GALNT18: variants seen among roughly 807,000 people sequenced by gnomAD.
GALNT18 encodes the protein GalNAc-transferase 18.
A neutral mutation model predicts 69.5 loss-of-function variants in GALNT18; 44 were observed. That is an observed-to-expected ratio of 0.63 (90% CI 0.50 to 0.81). The LOEUF is 0.81. Among genes scored for constraint, GALNT18 ranks in the 40% least tolerant of loss-of-function variants. The pLI, the probability that GALNT18 is intolerant of heterozygous loss-of-function variation, is 0.00. For synonymous variants in GALNT18, 364 were observed against 318.2 expected (o/e 1.14, Z -1.53); for missense variants, 715 against 810.0 (o/e 0.88, Z 1.42).
At chr11:11,407,801 G>T (rs1854624314) in intron 3 of GALNT18, among the ~76,000 whole-genome samples, 1 of 152,210 alleles carries the variant, frequency 6.6e-6, no homozygotes, top group Admixed American at 6.5e-5. Context: ...CAGATCCCCT[G>T]GGATTACGAG....
At chr11:11,502,802 C>A (rs147922069) in intron 1 of GALNT18, among the ~76,000 whole-genome samples, 2 of 152,178 alleles carry the variant, frequency 1.3e-5, no homozygotes, top group Non-Finnish European at 2.9e-5. Flanking sequence ...AGAGGCGTAG[C>A]GTATCCTCAG....
chr11:11,532,521 C>A (rs1857678077), intron 1 of GALNT18, among the ~76,000 whole-genome samples: 2 of 152,204 alleles, frequency 1.3e-5, no homozygotes, highest in African/African-American at 4.8e-5. Flanking sequence ...GGCACTCAAT[C>A]AATGCTCATA....
At chr11:11,593,867 A>T (rs1590125963) in intron 1 of GALNT18, among the ~76,000 whole-genome samples, 3 of 152,336 alleles carry the variant, frequency 2.0e-5, no homozygotes, top group East Asian at 3.9e-4. Flanking sequence ...TTTTCATATG[A>T]GCCTCATGCT....
chr11:11,317,830 A>C (rs1849783201), intron 9 of GALNT18, among the ~76,000 whole-genome samples: 1 of 152,238 alleles, frequency 6.6e-6, no homozygotes, highest in Non-Finnish European at 1.5e-5. Flanking sequence ...ATAAAAGACA[A>C]TCTATCATAT....
intron 3 of GALNT18, among the ~76,000 whole-genome samples, chr11:11,420,364 A>G (rs1854976341): frequency 6.6e-6 from 1 of 152,156 alleles, no homozygotes. Context: ...TATGCAGGAC[A>G]GATATGGGCA....
chr11:11,483,982 T>A (rs939799700), intron 1 of GALNT18, among the ~76,000 whole-genome samples: 1 of 152,096 alleles, frequency 6.6e-6, no homozygotes, highest in African/African-American at 2.4e-5. Context: ...TCGTGGGACA[T>A]GGGGGTCCAA....
intron 1 of GALNT18, among the ~76,000 whole-genome samples, chr11:11,519,188 G>A (rs1260093783): frequency 6.6e-6 from 1 of 152,176 alleles, no homozygotes; most frequent in East Asian, 1.9e-4. Flanking sequence ...GCCCAGAGGG[G>A]TGTGGATCTG....
At chr11:11,380,021 G>A (rs1324721662) in intron 3 of GALNT18, among the ~76,000 whole-genome samples, 1 of 152,240 alleles carries the variant, frequency 6.6e-6, no homozygotes, top group Non-Finnish European at 1.5e-5. Context: ...AGCCCTCACA[G>A]TTGGTTGGAC....
chr11:11,500,620 G>A lies in GALNT18; in HGVS notation c.236-51684C>T, dbSNP rs1044509777. ...ACAGGACACCTCCCATGACAAAGAA[G>A]GATCCAGTGCAAAATGGTGACAGTG... On this transcript the variant is annotated intron_variant, in intron 1 of 10. Coordinates refer to ENST00000227756, the MANE Select transcript of GALNT18 (RefSeq NM_198516.3). The surrounding 1 kb of genome is among the most constrained non-coding windows in gnomAD (Gnocchi z 5.0). Among the ~76,000 whole-genome samples the A allele has an allele frequency of 6.6e-6, 1 of 152,168 alleles. No homozygotes were observed. Among genetic ancestry groups the A allele is most frequent in the African/African-American group, 2.4e-5 (1 of 41,430 alleles).
intron 9 of GALNT18, among the ~76,000 whole-genome samples, chr11:11,296,483 G>A (rs1849403087): frequency 6.6e-6 from 1 of 152,188 alleles, no homozygotes; most frequent in Non-Finnish European, 1.5e-5. Flanking sequence ...GATTTCCTGA[G>A]GTTTGGGGAT....
intron 5 of GALNT18, among the ~76,000 whole-genome samples, chr11:11,373,691 G>A (rs535229408): frequency 6.6e-6 from 1 of 152,284 alleles, no homozygotes; most frequent in South Asian, 2.1e-4. Flanking sequence ...TGTGAGCTTG[G>A]GTCTCACCAG....
At chr11:11,283,020 G>A (rs1849116024) in intron 10 of GALNT18, among the ~76,000 whole-genome samples, 1 of 152,170 alleles carries the variant, frequency 6.6e-6, no homozygotes, top group Non-Finnish European at 1.5e-5. Context: ...TCTCAGCAAG[G>A]GCAAGGAGGG....
At chr11:11,295,535 C>T (rs1849384535) in intron 9 of GALNT18, among the ~76,000 whole-genome samples, 1 of 152,138 alleles carries the variant, frequency 6.6e-6, no homozygotes, top group Admixed American at 6.5e-5. Flanking sequence ...TCACTCTTTC[C>T]TCCCCACTTC....
At chr11:11,291,128 G>A (rs1390422225) in intron 10 of GALNT18, among the ~76,000 whole-genome samples, 2 of 152,244 alleles carry the variant, frequency 1.3e-5, no homozygotes, top group South Asian at 2.1e-4. Flanking sequence ...TGGAAATCTG[G>A]CAGAGGAAAG....
Position 11,396,617 on chromosome 11 carries a change from G to A in GALNT18, c.596-17353C>T, listed in dbSNP as rs1273245248. On this transcript the variant is annotated intron_variant, in intron 3 of 10. Transcript: ENST00000227756. The surrounding 1 kb of genome is among the most constrained non-coding windows in gnomAD (Gnocchi z 5.2). ...TGGCAATTGCAAAGATTTGCACGCG[G>A]GACTCCAGTCTGGGGCAATAGTGTG... is the stretch of plus-strand genomic sequence containing the variant. 6.6e-6 allele frequency among the ~76,000 whole-genome samples: 1 copy of A among 152,158 alleles called. No individual in the cohort carries two copies. The highest frequency in any genetic ancestry group is 1.5e-5 in the Non-Finnish European group (1 of 68,026).
intron 10 of GALNT18, among the ~76,000 whole-genome samples, chr11:11,285,779 C>G (rs1849181104): frequency 6.6e-6 from 1 of 152,214 alleles, no homozygotes; most frequent in African/African-American, 2.4e-5. Context: ...TCCTCCTCCT[C>G]TAGCATGGGG....
At chr11:11,345,388 C>A (rs1850284301) in intron 6 of GALNT18, among the ~76,000 whole-genome samples, 1 of 152,048 alleles carries the variant, frequency 6.6e-6, no homozygotes, top group African/African-American at 2.4e-5. Flanking sequence ...AGTGGCTTGA[C>A]CCAAGAGAGA....
chr11:11,284,244 TCA>T (rs1849145148), intron 10 of GALNT18, among the ~76,000 whole-genome samples: 1 of 152,216 alleles, frequency 6.6e-6, no homozygotes, highest in African/African-American at 2.4e-5. Flanking sequence ...TCTTTCTGCC[TCA>T]GTTTCCCAAG....
intron 6 of GALNT18, among the ~76,000 whole-genome samples, chr11:11,349,184 G>A (rs1021178793): frequency 2.0e-5 from 3 of 152,160 alleles, no homozygotes; most frequent in African/African-American, 4.8e-5. Flanking sequence ...TAAATATGCA[G>A]TAATTTATTT....
Sources: allele counts gnomAD v4.1 joint callset (sites outside exome capture counted in the v4.1 genomes callset), GRCh38; gene constraint gnomAD v4.1.1; non-coding constraint Gnocchi (gnomAD v3.1); transcripts MANE v1.5; gene names NCBI Gene and HGNC (gene_info 2026-07-23, HGNC 2026-07-21).